DNMT1: variants seen among roughly 807,000 people sequenced by gnomAD.
DNMT1 encodes DNA methyltransferase 1, also known as DNA (cytosine-5)-methyltransferase 1.
A neutral mutation model predicts 205.3 loss-of-function variants in DNMT1; 24 were observed. That is an observed-to-expected ratio of 0.12 (90% confidence interval 0.08 to 0.16). DNMT1 has a LOEUF of 0.16. DNMT1 is among the 10% of genes least tolerant of loss of function. DNMT1 has a pLI of 1.00. For synonymous variants in DNMT1, 817 were observed against 839.8 expected (o/e 0.97, Z 0.47); for missense variants, 1,293 against 2,177.7 (o/e 0.59, Z 8.09).
At position 10,151,069 on chromosome 19, in the gene DNMT1, T is replaced by A. The variant is rs2038332791; in HGVS notation, c.2265+329A>T. The stretch of plus-strand genomic sequence containing the variant: ...GAGATCGTGCCACTGCACTCCAGCC[T>A]GGGTGACAGAGCAAGATTCCATCTT... On this transcript the variant is annotated intron_variant, in intron 24 of 40. Transcript: ENST00000359526. This position sits in a 1 kb window ranked among gnomAD's most constrained non-coding sequence, Gnocchi z 5.0. 2.6e-5 allele frequency among the ~76,000 whole-genome samples: 4 copies of A among 152,278 alleles called. No individual in the cohort carries two copies. The South Asian group carries it at 8.3e-4, about 32-fold the overall frequency.
rs11879603 is a variant in DNMT1, at chr19:10,141,897, G to A, written c.3309+131C>T. On this transcript the variant is annotated intron_variant, in intron 30 of 40. Transcript: ENST00000359526. ...TAAAGCTCCTGCAGAACAGCTTCAC[G>A]TCAGCCAACCACCCACTTCTTACAA... The A allele has an allele frequency of 2.3e-3, 2,549 of 1,110,728 alleles. 33 individuals carry two copies. The African/African-American group carries it at 0.036, about 16-fold the overall frequency. 68.8% of individuals were successfully genotyped at this position (1,110,728 alleles called of 1,614,324 possible).
chr19:10,155,151 C>G, intron 19 of DNMT1, 95 bp from the exon 20 acceptor site: 1 of 1,531,418 alleles, frequency 6.5e-7, no homozygotes, highest in Non-Finnish European at 8.9e-7. Flanking sequence ...ACTCACCCAA[C>G]AGTCTAAAAG....
chr19:10,149,712 T>G, intron 25 of DNMT1, 55 bp from the exon 26 acceptor site: 1 of 1,612,006 alleles, frequency 6.2e-7, no homozygotes. Flanking sequence ...AGCAGATATG[T>G]GACCAAGTCT....
At chr19:10,162,373 G>A (rs565226713) in intron 13 of DNMT1, among the ~76,000 whole-genome samples, 56 of 151,652 alleles carry the variant, frequency 3.7e-4, no homozygotes, top group Non-Finnish European at 7.7e-4. Flanking sequence ...AGGCTCAAGC[G>A]ATTCTCCTAT....
chr19:10,160,266 C>G (rs1412675553), intron 14 of DNMT1, 118 bp downstream of exon 14: 8 of 1,549,834 alleles, frequency 5.2e-6, no homozygotes, highest in Non-Finnish European at 7.0e-6. Flanking sequence ...TTCACCAACC[C>G]GATCCAAAAT....
intron 1 of DNMT1, among the ~76,000 whole-genome samples, chr19:10,182,943 G>A (rs1008572048): frequency 6.6e-6 from 1 of 151,244 alleles, no homozygotes; most frequent in African/African-American, 2.4e-5. Context: ...TAGGATTACA[G>A]GCATGAGTCA....
chr19:10,166,482 GA>G (rs2038695515), intron 11 of DNMT1, 115 bp downstream of exon 11: 11 of 1,277,958 alleles, frequency 8.6e-6, no homozygotes, highest in Non-Finnish European at 1.2e-5. Context: ...TGGCCCCATG[GA>G]GCCTGGGTGG....
At position 10,136,092 on chromosome 19, in the gene DNMT1, A is replaced by G. The variant is rs376090992; in HGVS notation, c.4656+29T>C. On this transcript the variant is annotated intron_variant, in intron 38 of 40. Transcript: ENST00000359526. ...GGCCGCCAAGTACAGGGCCTGACCC[A>G]GGCCCTCGGATGCCCCCTCCCCACC... is the stretch of plus-strand genomic sequence containing the variant. The G allele has an allele frequency of 3.8e-5, 61 of 1,613,528 alleles. No individual in the cohort carries two copies. In the African/African-American group the frequency reaches 7.7e-4, roughly 20 times the overall value.
intron 7 of DNMT1, 27 bp from the exon 8 acceptor site, chr19:10,173,932 A>G: frequency 6.2e-7 from 1 of 1,612,190 alleles, no homozygotes; most frequent in Non-Finnish European, 8.5e-7. Context: ...AAGAACAAAA[A>G]AGATTAGAAT....
intron 1 of DNMT1, among the ~76,000 whole-genome samples, chr19:10,183,125 A>ATATATACGTGTGTATATATATATATTT (rs767124770): frequency 8.5e-6 from 1 of 117,482 alleles, no homozygotes; most frequent in Admixed American, 9.8e-5. Flanking sequence ...ATATATATAT[A>ATATATACGTGTGTATATATATATATTT]TTTTTTTTTT....
At chr19:10,153,535 G>A (rs927671326) in intron 22 of DNMT1, among the ~76,000 whole-genome samples, 9 of 151,908 alleles carry the variant, frequency 5.9e-5, no homozygotes, top group Admixed American at 5.9e-4. Context: ...CACTCGGGAG[G>A]CTGAGGTGGG....
intron 2 of DNMT1, among the ~76,000 whole-genome samples, 186 bp downstream of exon 2, chr19:10,181,855 A>C (rs1463803748): frequency 6.6e-6 from 1 of 152,046 alleles, no homozygotes; most frequent in East Asian, 1.9e-4. Context: ...AACAAAAAAA[A>C]ACACCACCAC....
chr19:10,183,127 T>TA lies in DNMT1; in HGVS notation c.81-1051_81-1050insT, dbSNP rs1568257487. Among the ~76,000 whole-genome samples the TA allele has an allele frequency of 7.0e-3, 702 of 100,830 alleles. 6 individuals are homozygous for TA. Among genetic ancestry groups the TA allele is most frequent in the African/African-American group, 0.023 (648 of 27,820 alleles). The allele number at this position is 100,830 out of a possible 152,430, so 66.1% of individuals were successfully genotyped here. On this transcript the variant is annotated intron_variant, in intron 1 of 40. Coordinates refer to ENST00000359526, the MANE Select transcript of DNMT1 (RefSeq NM_001130823.3). The stretch of plus-strand genomic sequence containing the variant: ...TATACGTGTGTATATATATATATAT[T>TA]TTTTTTTTTTGAGATAGGGTTTTGC...
intron 17 of DNMT1, among the ~76,000 whole-genome samples, chr19:10,157,955 A>G (rs1156521053): frequency 6.6e-6 from 1 of 152,186 alleles, no homozygotes; most frequent in Non-Finnish European, 1.5e-5. Flanking sequence ...ACTGGCTTCT[A>G]TCGCCAGTTT....
Position 10,134,207 on chromosome 19 carries a change from C to T in DNMT1, c.4864+10G>A. On this transcript the variant is annotated intron_variant, in intron 40 of 40. Coordinates refer to ENST00000359526, the MANE Select transcript of DNMT1 (RefSeq NM_001130823.3). The stretch of plus-strand genomic sequence containing the variant: ...AGGCCCCAGAGGAAGCCTGGCCCAC[C>T]CCACCATACCTGAGGCACTCTCTCG... 1 of 1,614,194 alleles carries T rather than the reference C, an allele frequency of 6.2e-7. No individual in the cohort carries two copies. Among genetic ancestry groups the T allele is most frequent in the Non-Finnish European group, 8.5e-7 (1 of 1,180,030 alleles).
chr19:10,146,207 T>C lies in DNMT1; in HGVS notation c.2894+144A>G. ...GTCAGTCTACACGATTTATGTTGTC[T>C]GTTTGCCACCTATGCCAACGTGACG... On this transcript the variant is annotated intron_variant, in intron 28 of 40. Coordinates refer to ENST00000359526, the MANE Select transcript of DNMT1 (RefSeq NM_001130823.3). The surrounding 1 kb of genome is among the most constrained non-coding windows in gnomAD (Gnocchi z 4.4). 1.1e-6 allele frequency: 1 copy of C among 944,596 alleles called. No homozygotes were observed. 58.5% of individuals were successfully genotyped at this position (944,596 alleles called of 1,614,324 possible). A position where few individuals can be genotyped will look rare whatever the true frequency, so the allele number is the denominator to read the frequency against.
rs111496607 is a variant in DNMT1, at chr19:10,154,057, A to G, written c.2019+236T>C. 1.0e-3 allele frequency among the ~76,000 whole-genome samples: 153 copies of G among 152,324 alleles called. 1 individual carries two copies. The highest frequency in any genetic ancestry group is 3.0e-3 in the Admixed American group (46 of 15,296). On this transcript the variant is annotated intron_variant, in intron 22 of 40. Transcript: ENST00000359526. The surrounding 1 kb of genome is among the most constrained non-coding windows in gnomAD (Gnocchi z 6.3). The stretch of plus-strand genomic sequence containing the variant: ...AGCCACCCAGAAGCCAGGCTCTTCA[A>G]TTAAGGACAGTGGCATTATCAGCAA...
Position 10,182,036 on chromosome 19 carries a change from A to C in DNMT1, c.117+5T>G. 1.2e-6 allele frequency: 2 copies of C among 1,612,044 alleles called. No homozygotes were observed. Among genetic ancestry groups the C allele is most frequent in the Non-Finnish European group, 1.7e-6 (2 of 1,178,666 alleles). Reference sequence around the variant, plus strand: ...TAATAAGAAAAATTTTAAGGTGGAGATTACCTTTTCTGTTAAGCTGTCTCT... The same window carrying C: ...TAATAAGAAAAATTTTAAGGTGGAGCTTACCTTTTCTGTTAAGCTGTCTCT... On this transcript the variant is annotated splice_donor_5th_base_variant and intron_variant, in intron 2 of 40. Transcript: ENST00000359526.
intron 1 of DNMT1, chr19:10,184,475 G>A (rs893412274): frequency 2.6e-5 from 4 of 152,096 alleles, no homozygotes; most frequent in Non-Finnish European, 5.9e-5. Context: ...CTGACAATTA[G>A]TAGCTTGACT....
Sources: gnomAD v4.1 joint callset for allele counts (sites outside exome capture counted in the v4.1 genomes callset) on GRCh38, gnomAD v4.1.1 for gene constraint, Gnocchi (gnomAD v3.1) non-coding constraint, MANE v1.5 for transcripts, NCBI Gene and HGNC (gene_info 2026-07-23, HGNC 2026-07-21) for gene names.